ATCAY: variants seen among roughly 807,000 people sequenced by gnomAD.
The protein encoded by ATCAY is caytaxin.
A neutral mutation model predicts 47.7 loss-of-function variants in ATCAY; 22 were observed. The ratio of observed to expected loss-of-function variants is 0.46; its 90% confidence interval spans 0.33 to 0.66. The LOEUF is 0.66. Ranked by LOEUF, ATCAY falls within the 30% of genes least tolerant of loss-of-function variation. The probability of loss-of-function intolerance (pLI) is 0.02; values close to 1 mark genes in which losing one functional copy is unlikely to be tolerated. For missense variants in ATCAY, 452 were observed against 515.0 expected (o/e 0.88, Z 1.18); for synonymous variants, 216 against 207.6 (o/e 1.04, Z -0.35).
intron 2 of ATCAY, chr19:3,893,641 C>T (rs1250918433): frequency 6.6e-6 from 1 of 152,196 alleles, no homozygotes; most frequent in Non-Finnish European, 1.5e-5. Flanking sequence ...TCTCACCTGA[C>T]CTTGGAAACT....
intron 5 of ATCAY, 26 bp from the exon 6 acceptor site, chr19:3,908,242 G>T (rs368205347): frequency 1.4e-5 from 21 of 1,547,234 alleles, no homozygotes; most frequent in Non-Finnish European, 1.4e-5. Flanking sequence ...GGACTCTGAC[G>T]TTGCCGATCG....
chr19:3,887,756 G>GA (rs1166082338), intron 2 of ATCAY, among the ~76,000 whole-genome samples: 1 of 149,186 alleles, frequency 6.7e-6, no homozygotes, highest in Non-Finnish European at 1.5e-5. Flanking sequence ...AAAGTGCTGG[G>GA]ATTACAGGCG....
chr19:3,895,706 CTTTTCTTTT>C (rs2038763550), intron 2 of ATCAY, among the ~76,000 whole-genome samples: 1 of 146,040 alleles, frequency 6.8e-6, no homozygotes, highest in Admixed American at 6.9e-5. Flanking sequence ...TTTTTTCTTT[CTTTTCTTTT>C]CTTTTTTTTT....
chr19:3,921,882 G>C (rs988912574), intron 12 of ATCAY, among the ~76,000 whole-genome samples: 1 of 148,838 alleles, frequency 6.7e-6, no homozygotes, highest in African/African-American at 2.5e-5. Flanking sequence ...GGGCAACAGA[G>C]CAAGACTCTG....
intron 2 of ATCAY, among the ~76,000 whole-genome samples, chr19:3,898,707 G>A (rs2038789744): frequency 6.6e-6 from 1 of 152,102 alleles, no homozygotes; most frequent in African/African-American, 2.4e-5. Context: ...TTTTGAGACA[G>A]AGTCTCACTC....
At chr19:3,922,156 T>C (rs2039026558) in intron 12 of ATCAY, 1 of 702,518 alleles carries the variant, frequency 1.4e-6, no homozygotes, top group Admixed American at 2.0e-5. Flanking sequence ...TGGCTTTTCT[T>C]AGCCTCCAGC....
intron 2 of ATCAY, among the ~76,000 whole-genome samples, chr19:3,892,046 C>T (rs374104048): frequency 2.0e-5 from 3 of 152,128 alleles, no homozygotes; most frequent in East Asian, 1.9e-4. Flanking sequence ...CCCACCACCA[C>T]GCCCAGCTAA....
chr19:3,885,942 G>T lies in ATCAY; in HGVS notation c.77+98G>T, dbSNP rs1030481104. The T allele has an allele frequency of 3.2e-6, 4 of 1,241,984 alleles. No homozygotes were observed. In the South Asian group the frequency reaches 3.9e-5, roughly 12 times the overall value. 76.9% of individuals were successfully genotyped at this position (1,241,984 alleles called of 1,614,324 possible). A position where few individuals can be genotyped will look rare whatever the true frequency, so the allele number is the denominator to read the frequency against. ...CCGGGTCTCTCTCTAAGTGGGAACCGCCCGGGGCTGGCCTGGTTCCATCTC... is the reference window on the plus strand; with the variant it reads ...CCGGGTCTCTCTCTAAGTGGGAACCTCCCGGGGCTGGCCTGGTTCCATCTC... On this transcript the variant is annotated intron_variant, in intron 2 of 12. Transcript: ENST00000450849.
intron 2 of ATCAY, among the ~76,000 whole-genome samples, chr19:3,890,333 GCTCA>G (rs939426081): frequency 5.0e-5 from 7 of 139,078 alleles, no homozygotes; most frequent in Admixed American, 3.9e-4. Flanking sequence ...CGCGAGTTCG[GCTCA>G]CTGCAACCTC....
intron 7 of ATCAY, among the ~76,000 whole-genome samples, chr19:3,910,155 T>C (rs539289802): frequency 3.3e-5 from 5 of 152,120 alleles, no homozygotes; most frequent in Non-Finnish European, 7.4e-5. Context: ...TTTCTGTCTC[T>C]GTAAATCTGA....
intron 7 of ATCAY, 84 bp downstream of exon 7, chr19:3,909,701 C>T (rs558992183): frequency 1.3e-6 from 2 of 1,523,786 alleles, no homozygotes; most frequent in Admixed American, 2.0e-5. Flanking sequence ...ACCTGGAATC[C>T]CAGCACTTCG....
chr19:3,905,805 G>A, intron 4 of ATCAY, 150 bp downstream of exon 4: 1 of 657,840 alleles, frequency 1.5e-6, no homozygotes, highest in East Asian at 2.7e-5. Flanking sequence ...AGACTGCAGT[G>A]AGACGTGATC....
chr19:3,894,644 A>C (rs2038750426), intron 2 of ATCAY, among the ~76,000 whole-genome samples: 1 of 149,948 alleles, frequency 6.7e-6, no homozygotes. Flanking sequence ...AAAAAAAAAA[A>C]AACTGTAAAA....
intron 10 of ATCAY, among the ~76,000 whole-genome samples, chr19:3,918,553 T>G: frequency 1.5e-5 from 1 of 66,138 alleles, no homozygotes; most frequent in East Asian, 2.2e-3. Flanking sequence ...AGATCCTGTC[T>G]CAAAAAAAAA....
At chr19:3,891,637 A>G (rs11672962) in intron 2 of ATCAY, among the ~76,000 whole-genome samples, 1 of 151,388 alleles carries the variant, frequency 6.6e-6, no homozygotes, top group South Asian at 2.1e-4. Flanking sequence ...CCCACATTCC[A>G]AGCAGAGAGG....
intron 6 of ATCAY, 132 bp from the exon 7 acceptor site, chr19:3,909,354 G>T: frequency 9.7e-7 from 1 of 1,033,654 alleles, no homozygotes; most frequent in Non-Finnish European, 1.4e-6. Context: ...CGCCAGGACA[G>T]CAGACAACAC....
intron 2 of ATCAY, among the ~76,000 whole-genome samples, chr19:3,896,773 T>A (rs1019899569): frequency 1.3e-5 from 2 of 151,614 alleles, no homozygotes; most frequent in African/African-American, 2.4e-5. Context: ...GCTGGGCAAG[T>A]GGTTGTTTGT....
chr19:3,887,572 C>T (rs893259989), intron 2 of ATCAY, among the ~76,000 whole-genome samples: 21 of 151,180 alleles, frequency 1.4e-4, no homozygotes, highest in Non-Finnish European at 2.5e-4. Context: ...CTGCAAGCTC[C>T]GCCTCCCGGG....
At chr19:3,899,006 C>G (rs1446908146) in intron 2 of ATCAY, among the ~76,000 whole-genome samples, 1 of 152,010 alleles carries the variant, frequency 6.6e-6, no homozygotes, top group East Asian at 1.9e-4. Flanking sequence ...ATTGTTTCCA[C>G]TTTTTGGTTT....
Sources: allele counts gnomAD v4.1 joint callset (sites outside exome capture counted in the v4.1 genomes callset), GRCh38; gene constraint gnomAD v4.1.1; transcripts MANE v1.5; gene names NCBI Gene and HGNC (gene_info 2026-07-23, HGNC 2026-07-21).